The following EFR3B variants were observed in gnomAD, a reference collection of about 807,000 sequenced individuals.
EFR3B encodes the protein EFR3 homolog B.
EFR3B carries 64 observed loss-of-function variants against 104.7 expected under a neutral mutation model. That is an observed-to-expected ratio of 0.61 (90% CI 0.50 to 0.75). The LOEUF (loss-of-function observed/expected upper bound fraction) is 0.75, where lower values mean the gene tolerates loss of function less well. EFR3B is among the 30% of genes least tolerant of loss of function. EFR3B has a pLI of 0.00. For missense variants in EFR3B, 750 were observed against 1,078.5 expected, an observed-to-expected ratio of 0.70 and a Z score of 4.27; for synonymous variants, 385 against 417.9, an observed-to-expected ratio of 0.92 and a Z score of 0.96.
intron 4 of EFR3B, among the ~76,000 whole-genome samples, chr2:25,110,125 G>T (rs1471449600): frequency 1.3e-5 from 2 of 151,844 alleles, no homozygotes; most frequent in African/African-American, 2.4e-5. Context: ...CCCCTCACGA[G>T]ATCTCACCTC....
At chr2:25,115,080 C>T (rs930692929) in intron 4 of EFR3B, among the ~76,000 whole-genome samples, 1 of 152,112 alleles carries the variant, frequency 6.6e-6, no homozygotes, top group Non-Finnish European at 1.5e-5. Context: ...ACTCGGGAGG[C>T]AGAGGTGGGA....
intron 1 of EFR3B, among the ~76,000 whole-genome samples, chr2:25,071,231 A>AT (rs1668486616): frequency 6.9e-6 from 1 of 145,006 alleles, no homozygotes; most frequent in East Asian, 2.0e-4. Context: ...AAGTGCTGGG[A>AT]TTACAGGCAT....
intron 1 of EFR3B, among the ~76,000 whole-genome samples, chr2:25,055,444 T>A (rs527695467): frequency 6.8e-4 from 103 of 152,284 alleles, no homozygotes; most frequent in African/African-American, 2.3e-3. Flanking sequence ...TGTCTATAAA[T>A]CTGAGAATTA....
chr2:25,055,359 G>A (rs1284154450), intron 1 of EFR3B, among the ~76,000 whole-genome samples: 6 of 152,210 alleles, frequency 3.9e-5, no homozygotes, highest in Non-Finnish European at 7.3e-5. Context: ...GGTTATACGA[G>A]TCCCTCACTG....
chr2:25,130,416 C>G lies in EFR3B; in HGVS notation c.771-136C>G, dbSNP rs189973466. ...CACTGGACTGGGACTACCCCAAGGC[C>G]CTTCAGGCTTCACTTCCTCACCCGG... On this transcript the variant is annotated intron_variant, in intron 7 of 22. Coordinates refer to ENST00000403714, the MANE Select transcript of EFR3B (RefSeq NM_014971.2). This position sits in a 1 kb window ranked among gnomAD's most constrained non-coding sequence, Gnocchi z 4.6. The G allele has an allele frequency of 4.7e-6, 4 of 853,018 alleles. No homozygotes were observed. In the Admixed American group the frequency reaches 6.1e-5, roughly 13 times the overall value. 52.8% of individuals were successfully genotyped at this position (853,018 alleles called of 1,614,324 possible). A position where few individuals can be genotyped will look rare whatever the true frequency, so the allele number is the denominator to read the frequency against.
intron 12 of EFR3B, among the ~76,000 whole-genome samples, chr2:25,134,429 C>T (rs943466206): frequency 6.6e-6 from 1 of 152,172 alleles, no homozygotes; most frequent in Non-Finnish European, 1.5e-5. Context: ...CTCGGCCTCC[C>T]AAAGTGTTGG....
chr2:25,079,234 T>C (rs896010095), intron 1 of EFR3B, among the ~76,000 whole-genome samples: 4 of 152,180 alleles, frequency 2.6e-5, no homozygotes, highest in African/African-American at 9.7e-5. Flanking sequence ...AAAGAATGAA[T>C]TGAAGTGAAG....
chr2:25,064,290 A>C (rs981430960), intron 1 of EFR3B, among the ~76,000 whole-genome samples: 1 of 152,232 alleles, frequency 6.6e-6, no homozygotes, highest in South Asian at 2.1e-4. Flanking sequence ...TTAGCTTTTC[A>C]GAATCTGCAT....
chr2:25,122,824 G>GA (rs1487451898), intron 5 of EFR3B, among the ~76,000 whole-genome samples: 1 of 152,058 alleles, frequency 6.6e-6, no homozygotes, highest in Non-Finnish European at 1.5e-5. Flanking sequence ...TTCCCACTGG[G>GA]ATGTAAGCTC....
chr2:25,132,816 C>T (rs1670392080), intron 10 of EFR3B, 87 bp from the exon 11 acceptor site: 2 of 1,090,680 alleles, frequency 1.8e-6, no homozygotes, highest in Non-Finnish European at 2.7e-6. Flanking sequence ...AGAGAGGCAG[C>T]CCTCGCTCTC....
At position 25,115,542 on chromosome 2, in the gene EFR3B, G is replaced by A. The variant is rs1012085168; in HGVS notation, c.364-6131G>A. Among the ~76,000 whole-genome samples the A allele has an allele frequency of 1.7e-4, 26 of 152,264 alleles. No individual in the cohort carries two copies. The Middle Eastern group carries it at 0.01, about 60-fold the overall frequency. ...GTTGTGATCAGCTGGAAAATGATGC[G>A]TCAATAGGTGTCTCCATCTTAATCC... On this transcript the variant is annotated intron_variant, in intron 4 of 22. Transcript: ENST00000403714.
intron 1 of EFR3B, among the ~76,000 whole-genome samples, chr2:25,059,572 C>CA (rs1307496276): frequency 6.6e-5 from 4 of 60,216 alleles, no homozygotes; most frequent in Non-Finnish European, 1.3e-4. Flanking sequence ...CCAGGGACTG[C>CA]GGGGGGGGGG....
At chr2:25,101,849 A>G (rs960028884) in intron 3 of EFR3B, among the ~76,000 whole-genome samples, 14 of 152,240 alleles carry the variant, frequency 9.2e-5, no homozygotes, top group African/African-American at 1.7e-4. Context: ...AAAGATTTTA[A>G]CCAGAATAAT....
chr2:25,095,868 C>T (rs539720823), intron 3 of EFR3B, among the ~76,000 whole-genome samples: 1 of 152,070 alleles, frequency 6.6e-6, no homozygotes, highest in African/African-American at 2.4e-5. Flanking sequence ...AACTGCAGAG[C>T]ACGTTGTGTT....
chr2:25,119,885 T>C (rs1669966106), intron 4 of EFR3B, among the ~76,000 whole-genome samples: 1 of 152,212 alleles, frequency 6.6e-6, no homozygotes. Flanking sequence ...CAATACTAAA[T>C]ATTATGAGAG....
chr2:25,137,330 C>G lies in EFR3B; in HGVS notation c.1561-11C>G. The stretch of plus-strand genomic sequence containing the variant: ...CTCCGACCCTGGCCTTCTGCCCGCT[C>G]CTGTCCCCAGCACTCCCAGCAGCTC... On this transcript the variant is annotated splice_polypyrimidine_tract_variant and intron_variant, in intron 14 of 22. Coordinates refer to ENST00000403714, the MANE Select transcript of EFR3B (RefSeq NM_014971.2). The surrounding 1 kb of genome is among the most constrained non-coding windows in gnomAD (Gnocchi z 4.7). 1 of 1,551,998 alleles carries G rather than the reference C, an allele frequency of 6.4e-7. No individual in the cohort carries two copies. The highest frequency in any genetic ancestry group is 1.2e-5 in the South Asian group (1 of 84,032).
chr2:25,089,254 C>A (rs1227097457), intron 1 of EFR3B, among the ~76,000 whole-genome samples: 2 of 152,168 alleles, frequency 1.3e-5, no homozygotes, highest in Non-Finnish European at 2.9e-5. Context: ...CCCACAGCCC[C>A]CTTGGGGCAC....
At chr2:25,119,402 T>C (rs1269205522) in intron 4 of EFR3B, among the ~76,000 whole-genome samples, 1 of 152,190 alleles carries the variant, frequency 6.6e-6, no homozygotes, top group East Asian at 1.9e-4. Context: ...TGCCGGTGGC[T>C]AAGGGCAGTG....
chr2:25,051,469 G>T lies in EFR3B; in HGVS notation c.7+9150G>T, dbSNP rs1573162121. Among the ~76,000 whole-genome samples the T allele has an allele frequency of 2.0e-5, 3 of 152,022 alleles. No homozygotes were observed. In the East Asian group the frequency reaches 5.8e-4, roughly 29 times the overall value. On this transcript the variant is annotated intron_variant, in intron 1 of 22. Coordinates refer to ENST00000403714, the MANE Select transcript of EFR3B (RefSeq NM_014971.2). ...TTCTGAGATCTTTCACTGAAAAGCT[G>T]TTCTTGCTTTCACCATCTCAGGAGG...
Sources: gnomAD v4.1 joint callset for allele counts (sites outside exome capture counted in the v4.1 genomes callset) on GRCh38, gnomAD v4.1.1 for gene constraint, Gnocchi (gnomAD v3.1) non-coding constraint, MANE v1.5 for transcripts, NCBI Gene and HGNC (gene_info 2026-07-23, HGNC 2026-07-21) for gene names.